The following CLVS1 variants were observed in gnomAD, a reference collection of about 807,000 sequenced individuals.
CLVS1 encodes the protein clavesin-1.
A neutral mutation model predicts 33.1 loss-of-function variants in CLVS1; 10 were observed. The ratio of observed to expected loss-of-function variants is 0.30; its 90% confidence interval spans 0.19 to 0.51. The LOEUF (loss-of-function observed/expected upper bound fraction) is 0.51. Among genes scored for constraint, CLVS1 ranks in the 20% least tolerant of loss-of-function variants. CLVS1 has a pLI of 0.97. For missense variants in CLVS1, 343 were observed against 433.4 expected, an observed-to-expected ratio of 0.79 and a Z score of 1.85; for synonymous variants, 163 against 166.1, an observed-to-expected ratio of 0.98 and a Z score of 0.14.
At chr8:61,132,345 A>AGCT (rs1426151792) in intron 2 of CLVS1, among the ~76,000 whole-genome samples, 1 of 152,166 alleles carries the variant, frequency 6.6e-6, no homozygotes, top group Non-Finnish European at 1.5e-5. Context: ...GGGGCACAGG[A>AGCT]GCTGTGCATG....
At chr8:61,485,729 A>T (rs969863827) in intron 5 of CLVS1, among the ~76,000 whole-genome samples, 9 of 152,256 alleles carry the variant, frequency 5.9e-5, no homozygotes, top group African/African-American at 2.2e-4. Context: ...GATTAAGAAA[A>T]TGTGGCACAT....
At chr8:61,066,953 T>C (rs961688161) in intron 1 of CLVS1, among the ~76,000 whole-genome samples, 6 of 152,100 alleles carry the variant, frequency 3.9e-5, no homozygotes, top group Non-Finnish European at 8.8e-5. Flanking sequence ...GAGCATTCCA[T>C]GACTGCAGTC....
chr8:61,000,937 T>C, the CLVS1 span, among the ~76,000 whole-genome samples: 1 of 152,220 alleles, frequency 6.6e-6, no homozygotes, highest in African/African-American at 2.4e-5. Flanking sequence ...TCTGAGCCTC[T>C]GACTCAGTCA....
At chr8:60,986,235 GA>G in the CLVS1 span, among the ~76,000 whole-genome samples, 1 of 152,230 alleles carries the variant, frequency 6.6e-6, no homozygotes, top group Non-Finnish European at 1.5e-5. Flanking sequence ...GTTAAACTTT[GA>G]AAAGATTCTA....
chr8:61,276,282 C>T (rs1167757848), intron 2 of CLVS1, among the ~76,000 whole-genome samples: 2 of 152,216 alleles, frequency 1.3e-5, no homozygotes, highest in Admixed American at 1.3e-4. Context: ...TCAATTTCTT[C>T]CCTTCCCTTC....
intron 2 of CLVS1, among the ~76,000 whole-genome samples, chr8:61,216,856 T>G (rs184926320): frequency 6.6e-6 from 1 of 152,156 alleles, no homozygotes; most frequent in African/African-American, 2.4e-5. Flanking sequence ...GTTCTTTTTT[T>G]ATGTCAGTAT....
the CLVS1 span, among the ~76,000 whole-genome samples, chr8:60,968,288 G>A: frequency 6.6e-6 from 1 of 152,156 alleles, no homozygotes; most frequent in African/African-American, 2.4e-5. Flanking sequence ...GGCCGAGGCC[G>A]GCGGATCACC....
intron 1 of CLVS1, among the ~76,000 whole-genome samples, chr8:61,090,148 A>G (rs1225498286): frequency 6.6e-6 from 1 of 152,222 alleles, no homozygotes; most frequent in African/African-American, 2.4e-5. Context: ...GTAAGGAGAT[A>G]TATCACAGTT....
intron 1 of CLVS1, among the ~76,000 whole-genome samples, chr8:61,070,581 T>C (rs1190592694): frequency 6.6e-6 from 1 of 152,242 alleles, no homozygotes; most frequent in Non-Finnish European, 1.5e-5. Context: ...GGCTCATGCC[T>C]GTAATCCCAG....
At position 61,107,245 on chromosome 8, in the gene CLVS1, C is replaced by T. The variant is rs944569302; in HGVS notation, c.-242-24525C>T. ...AACTCATGTCTGAAATCTTCCTTCT[C>T]ACTGCCAAATCGAACTGAATAATGT... On this transcript the variant is annotated intron_variant, in intron 1 of 2. Transcript: ENST00000522621. Among the ~76,000 whole-genome samples, 4 of 152,344 alleles carry T rather than the reference C, an allele frequency of 2.6e-5. No individual in the cohort carries two copies. The South Asian group carries it at 6.2e-4, about 24-fold the overall frequency.
intron 2 of CLVS1, among the ~76,000 whole-genome samples, chr8:61,332,590 T>C (rs1353032313): frequency 6.6e-6 from 1 of 152,218 alleles, no homozygotes; most frequent in Admixed American, 6.5e-5. Flanking sequence ...AAAAGATTCC[T>C]TTACTCTTAT....
intron 2 of CLVS1, among the ~76,000 whole-genome samples, chr8:61,326,856 A>C (rs1351626737): frequency 6.6e-6 from 1 of 152,174 alleles, no homozygotes; most frequent in Non-Finnish European, 1.5e-5. Flanking sequence ...ATACTTTCAA[A>C]GGCATTTTCT....
the CLVS1 span, among the ~76,000 whole-genome samples, chr8:60,979,837 T>C: frequency 1.3e-5 from 2 of 152,176 alleles, no homozygotes; most frequent in African/African-American, 4.8e-5. Flanking sequence ...TTTCATGAGG[T>C]CCAGAAGAGG....
intron 2 of CLVS1, among the ~76,000 whole-genome samples, chr8:61,364,706 A>T (rs1813120176): frequency 6.6e-6 from 1 of 152,212 alleles, no homozygotes; most frequent in African/African-American, 2.4e-5. Flanking sequence ...CAGGGTTCAG[A>T]TTGCTCATTA....
intron 2 of CLVS1, among the ~76,000 whole-genome samples, chr8:61,273,767 A>G (rs1397958069): frequency 6.6e-6 from 1 of 152,084 alleles, no homozygotes; most frequent in Non-Finnish European, 1.5e-5. Context: ...GGTGCTGCCC[A>G]TCACCCCTTT....
chr8:61,362,544 A>G (rs1236851873), intron 2 of CLVS1, among the ~76,000 whole-genome samples: 3 of 152,208 alleles, frequency 2.0e-5, no homozygotes, highest in Non-Finnish European at 4.4e-5. Flanking sequence ...TCTGGGGGTT[A>G]TATTGCACAT....
chr8:61,476,659 CTT>C (rs1166318503), intron 5 of CLVS1, among the ~76,000 whole-genome samples: 4 of 152,196 alleles, frequency 2.6e-5, no homozygotes, highest in African/African-American at 7.2e-5. Context: ...TATCCTGAGA[CTT>C]TGCTGAAGTT....
the CLVS1 span, among the ~76,000 whole-genome samples, chr8:61,032,985 G>GA: frequency 1.9e-3 from 161 of 83,270 alleles, 2 homozygotes; most frequent in African/African-American, 8.6e-3. Context: ...AGGAAGGAAG[G>GA]AAGGAAGGAA....
intron 1 of CLVS1, among the ~76,000 whole-genome samples, chr8:61,093,980 G>A (rs558772721): frequency 3.9e-5 from 6 of 152,332 alleles, no homozygotes; most frequent in South Asian, 2.1e-4. Context: ...GAGCCATGGG[G>A]TTTTCGGTCA....
Sources: gnomAD v4.1 joint callset for allele counts (sites outside exome capture counted in the v4.1 genomes callset) on GRCh38, gnomAD v4.1.1 for gene constraint, MANE v1.5 for transcripts, NCBI Gene and HGNC (gene_info 2026-07-23, HGNC 2026-07-21) for gene names.